The following PDGFRA variants were observed in gnomAD, a reference collection of about 807,000 sequenced individuals.
The protein encoded by PDGFRA is platelet-derived growth factor receptor alpha.
In PDGFRA, 25 loss-of-function variants were observed where a neutral mutation model predicts 121.5. The observed-to-expected ratio is 0.21, with a 90% confidence interval of 0.15 to 0.29. PDGFRA has a LOEUF of 0.29. PDGFRA is among the 10% of genes least tolerant of loss of function. The pLI, the probability that PDGFRA is intolerant of heterozygous loss-of-function variation, is 1.00. For synonymous variants in PDGFRA, 463 were observed against 494.8 expected, an observed-to-expected ratio of 0.94 and a Z score of 0.85; for missense variants, 1,008 against 1,345.1, an observed-to-expected ratio of 0.75 and a Z score of 3.92.
At chr4:54,273,201 G>A (rs925565121) in intron 9 of PDGFRA, among the ~76,000 whole-genome samples, 16 of 152,272 alleles carry the variant, frequency 1.1e-4, no homozygotes, top group Non-Finnish European at 2.1e-4. Flanking sequence ...TTTTGAAGGG[G>A]TGGGAGATTG....
In PDGFRA at chr4:54,277,612, AT is replaced by A. The variant is rs1380367610; in HGVS notation, c.1891+124del. On this transcript the variant is annotated intron_variant, in intron 13 of 22. Transcript: ENST00000257290. ...AGACATTTAGGACTAGGTCCTGATTATTTTGACTCCAGGTTTTATGTGTATT... is the reference window on the plus strand; with the variant it reads ...AGACATTTAGGACTAGGTCCTGATTATTTGACTCCAGGTTTTATGTGTATT... The A allele has an allele frequency of 4.0e-6, 3 of 753,632 alleles. No individual in the cohort carries two copies. In the East Asian group the frequency reaches 7.9e-5, roughly 20 times the overall value. The allele number at this position is 753,632 out of a possible 1,614,324, so 46.7% of individuals were successfully genotyped here. A position where few individuals can be genotyped will look rare whatever the true frequency, so the allele number is the denominator to read the frequency against.
intron 1 of PDGFRA, among the ~76,000 whole-genome samples, chr4:54,255,204 C>T (rs1722294127): frequency 6.6e-6 from 1 of 152,184 alleles, no homozygotes; most frequent in African/African-American, 2.4e-5. Context: ...TCTTCAGAAA[C>T]ACAGCATGCA....
intron 1 of PDGFRA, among the ~76,000 whole-genome samples, chr4:54,249,958 T>C (rs1383424749): frequency 6.6e-6 from 1 of 152,178 alleles, no homozygotes; most frequent in Non-Finnish European, 1.5e-5. Context: ...TCTTACCTTA[T>C]GGTCAAACTG....
At chr4:54,244,346 G>A (rs934244000) in intron 1 of PDGFRA, among the ~76,000 whole-genome samples, 38 of 152,320 alleles carry the variant, frequency 2.5e-4, no homozygotes, top group African/African-American at 8.9e-4. Flanking sequence ...ACCTCACACA[G>A]CCGGGTACTC....
At chr4:54,232,787 A>G (rs4368668) in intron 1 of PDGFRA, among the ~76,000 whole-genome samples, 37,910 of 152,022 alleles carry the variant, frequency 0.25, 5,061 homozygotes, top group Admixed American at 0.33. Context: ...GTTTCACCAT[A>G]TTGGCCATGC....
chr4:54,278,721 G>A (rs2110318457), intron 15 of PDGFRA: 2 of 664,226 alleles, frequency 3.0e-6, no homozygotes, highest in Middle Eastern at 2.4e-4. Flanking sequence ...TGTCACATGG[G>A]AAGGCCTTGC....
chr4:54,264,235 A>AAC, intron 4 of PDGFRA: 1 of 487,844 alleles, frequency 2.0e-6, no homozygotes, highest in Non-Finnish European at 3.6e-6. Flanking sequence ...CGGCCCTAAA[A>AAC]ACAAACATAC....
rs190260215 is a variant in PDGFRA, at chr4:54,289,045, G to A, written c.2811G>A (p.Pro937=). The part of the protein sequence containing the change: ...EIMVKCWNSE[P]EKRPSFYHLS... ...TGGTGAAATGCTGGAACAGTGAGCCGGAGAAGAGACCCTCCTTTTACCACC... is the reference window on the plus strand; with the variant it reads ...TGGTGAAATGCTGGAACAGTGAGCCAGAGAAGAGACCCTCCTTTTACCACC... The change falls in exon 21 of 23, where the codon CCG becomes CCA. Residue 937 remains proline, a synonymous_variant. Coordinates refer to ENST00000257290, the MANE Select transcript of PDGFRA (RefSeq NM_006206.6). 116 of 1,611,462 alleles carry A rather than the reference G, an allele frequency of 7.2e-5. No homozygotes were observed. Among genetic ancestry groups the A allele is most frequent in the East Asian group, 2.0e-4 (9 of 44,854 alleles).
At chr4:54,253,830 G>A (rs1261136327) in intron 1 of PDGFRA, among the ~76,000 whole-genome samples, 1 of 152,070 alleles carries the variant, frequency 6.6e-6, no homozygotes, top group African/African-American at 2.4e-5. Flanking sequence ...AACTACAGGA[G>A]TGTGCCACCA....
intron 1 of PDGFRA, among the ~76,000 whole-genome samples, chr4:54,250,143 G>T (rs529479797): frequency 6.6e-6 from 1 of 152,120 alleles, no homozygotes; most frequent in Non-Finnish European, 1.5e-5. Context: ...GGAAAAATAA[G>T]GGAGAGAAAA....
intron 12 of PDGFRA, among the ~76,000 whole-genome samples, chr4:54,275,328 A>C (rs1430638557): frequency 1.3e-5 from 2 of 152,234 alleles, no homozygotes; most frequent in Non-Finnish European, 2.9e-5. Context: ...GAATGAGGAC[A>C]ACCACAAAAT....
intron 10 of PDGFRA, 58 bp from the exon 11 acceptor site, chr4:54,274,473 G>T (rs2110295555): frequency 1.7e-6 from 2 of 1,203,426 alleles, no homozygotes; most frequent in East Asian, 2.3e-5. Flanking sequence ...CTACCTTGCT[G>T]CCCCTGTGCA....
intron 7 of PDGFRA, 142 bp downstream of exon 7, chr4:54,267,883 C>T: frequency 1.4e-6 from 1 of 720,484 alleles, no homozygotes; most frequent in Non-Finnish European, 2.5e-6. Flanking sequence ...GAAATCACAT[C>T]CCTTTAATGA....
intron 1 of PDGFRA, among the ~76,000 whole-genome samples, chr4:54,248,394 C>A (rs1439030843): frequency 6.6e-6 from 1 of 152,110 alleles, no homozygotes; most frequent in African/African-American, 2.4e-5. Context: ...CAGAACAGAA[C>A]CCTCAGAAAT....
intron 12 of PDGFRA, chr4:54,277,103 G>A (rs1012166156): frequency 1.5e-5 from 7 of 467,920 alleles, no homozygotes; most frequent in Admixed American, 1.0e-4. Context: ...GGCCCAGCAC[G>A]GAGCTGGTAG....
At chr4:54,279,593 G>A (rs938268002) in intron 15 of PDGFRA, among the ~76,000 whole-genome samples, 12 of 151,860 alleles carry the variant, frequency 7.9e-5, no homozygotes. Context: ...GGAACAAGTG[G>A]TATTTGGTTA....
chr4:54,293,219 A>G (rs1422186002), intron 22 of PDGFRA, among the ~76,000 whole-genome samples: 2 of 151,270 alleles, frequency 1.3e-5, no homozygotes, highest in African/African-American at 2.4e-5. Flanking sequence ...TTTGCTGATT[A>G]CATCCTTGAA....
intron 4 of PDGFRA, 131 bp downstream of exon 4, chr4:54,264,058 C>A: frequency 1.3e-6 from 1 of 772,448 alleles, no homozygotes; most frequent in South Asian, 1.6e-5. Context: ...GATTTAGGAC[C>A]CCAGCTAATA....
At chr4:54,262,594 A>G (rs1049619946) in intron 3 of PDGFRA, among the ~76,000 whole-genome samples, 3 of 152,014 alleles carry the variant, frequency 2.0e-5, no homozygotes, top group African/African-American at 7.3e-5. Context: ...CCTACCCTCT[A>G]TAACTACGAG....
Sources: gnomAD v4.1 joint callset for allele counts (sites outside exome capture counted in the v4.1 genomes callset) on GRCh38, gnomAD v4.1.1 for gene constraint, MANE v1.5 for transcripts, NCBI Gene and HGNC (gene_info 2026-07-23, HGNC 2026-07-21) for gene names.